Variants in MIPOL1 observed in about 807,000 individuals in gnomAD.
MIPOL1 encodes mirror-image polydactyly 1.
MIPOL1 carries 57 observed loss-of-function variants against 60.9 expected under a neutral mutation model. The observed-to-expected ratio is 0.94, with a 90% CI of 0.76 to 1.17. The LOEUF (loss-of-function observed/expected upper bound fraction) is 1.17, where lower values mean the gene tolerates loss of function less well. Ranked by LOEUF, MIPOL1 falls within the 50% of genes most tolerant of loss-of-function variation. MIPOL1 has a pLI of 0.00. For missense variants in MIPOL1, 551 were observed against 511.6 expected (o/e 1.08, Z -0.74); for synonymous variants, 179 against 168.8 (o/e 1.06, Z -0.47).
intron 1 of MIPOL1, among the ~76,000 whole-genome samples, chr14:37,225,190 G>A (rs1969499903): frequency 6.6e-6 from 1 of 152,168 alleles, no homozygotes; most frequent in African/African-American, 2.4e-5. Flanking sequence ...CCAGGCACAT[G>A]GTGCAAGCTG....
At chr14:37,248,975 AGGATGGATGGATGGATGGATGGAT>A (rs3061903) in intron 3 of MIPOL1, among the ~76,000 whole-genome samples, 92 of 149,528 alleles carry the variant, frequency 6.2e-4, no homozygotes, top group African/African-American at 2.2e-3. Context: ...AACAAATGGA[AGGATGGATGGATGGATGGATGGAT>A]GGATGGATGG....
At chr14:37,215,507 A>C (rs1319083306) in intron 1 of MIPOL1, among the ~76,000 whole-genome samples, 1 of 152,174 alleles carries the variant, frequency 6.6e-6, no homozygotes, top group Non-Finnish European at 1.5e-5. Flanking sequence ...AATAAAAAGC[A>C]AGAAACTGGA....
intron 12 of MIPOL1, among the ~76,000 whole-genome samples, chr14:37,532,174 T>C (rs2095483735): frequency 6.6e-6 from 1 of 152,200 alleles, no homozygotes. Context: ...AGTACAAATA[T>C]ACTGTAAGTC....
At chr14:37,207,608 C>T (rs1463526946) in intron 1 of MIPOL1, among the ~76,000 whole-genome samples, 3 of 152,062 alleles carry the variant, frequency 2.0e-5, no homozygotes, top group Admixed American at 6.5e-5. Flanking sequence ...TGCAGTGGCA[C>T]GATCTTGGCT....
intron 1 of MIPOL1, among the ~76,000 whole-genome samples, chr14:37,243,631 A>C (rs1016071636): frequency 2.6e-5 from 4 of 152,200 alleles, no homozygotes; most frequent in African/African-American, 9.6e-5. Context: ...AAATATGAAA[A>C]ATATGGCATA....
At chr14:37,405,839 C>T (rs970454333) in intron 10 of MIPOL1, among the ~76,000 whole-genome samples, 1 of 150,362 alleles carries the variant, frequency 6.7e-6, no homozygotes, top group Admixed American at 6.6e-5. Flanking sequence ...GCTAATTTTT[C>T]TCCAATTTAA....
chr14:37,444,977 T>A (rs2094309628), intron 11 of MIPOL1, among the ~76,000 whole-genome samples: 1 of 152,168 alleles, frequency 6.6e-6, no homozygotes, highest in African/African-American at 2.4e-5. Context: ...TCATACTGAA[T>A]GGGCAAAAAC....
At chr14:37,258,900 G>GAA (rs369533340) in intron 3 of MIPOL1, among the ~76,000 whole-genome samples, 2 of 145,766 alleles carry the variant, frequency 1.4e-5, no homozygotes, top group Non-Finnish European at 3.0e-5. Flanking sequence ...TGTTTTATCT[G>GAA]AAAAAAAAAA....
intron 11 of MIPOL1, among the ~76,000 whole-genome samples, chr14:37,432,324 C>T (rs2094086267): frequency 6.6e-6 from 1 of 152,182 alleles, no homozygotes. Flanking sequence ...CCTACTAGTG[C>T]TTCTGTTCTT....
chr14:37,487,111 G>T (rs1277954423), intron 11 of MIPOL1, among the ~76,000 whole-genome samples: 2 of 151,932 alleles, frequency 1.3e-5, no homozygotes, highest in African/African-American at 4.8e-5. Context: ...TTTTGTCATT[G>T]GTTCTGTTTA....
At chr14:37,207,710 T>C (rs552428592) in intron 1 of MIPOL1, among the ~76,000 whole-genome samples, 1 of 151,114 alleles carries the variant, frequency 6.6e-6, no homozygotes, top group South Asian at 2.1e-4. Context: ...CATGCCTGGC[T>C]AATTTTTGTA....
intron 10 of MIPOL1, among the ~76,000 whole-genome samples, chr14:37,395,884 T>C (rs2093362508): frequency 6.6e-6 from 1 of 152,108 alleles, no homozygotes; most frequent in Non-Finnish European, 1.5e-5. Flanking sequence ...TTTCCACCCC[T>C]TTCCTTTATG....
Position 37,422,868 on chromosome 14 carries a change from C to A in MIPOL1, c.950C>A (p.Ser317Tyr). 1.2e-6 allele frequency: 2 copies of A among 1,604,120 alleles called. No individual in the cohort carries two copies. Among genetic ancestry groups the A allele is most frequent in the Non-Finnish European group, 1.7e-6 (2 of 1,174,094 alleles). The change falls in exon 11 of 13, where the codon TCT becomes TAT. Residue 317 changes from serine to tyrosine, a missense_variant. Ser to Tyr is a moderately radical substitution (Grantham distance 144). Coordinates refer to ENST00000684589, the MANE Select transcript of MIPOL1 (RefSeq NM_001388067.1). ...AATTACTTTTAGGCAAAGTTGTTATCTATGCAACAAGCCAGAGAAACTGCA... is the reference window on the plus strand; with the variant it reads ...AATTACTTTTAGGCAAAGTTGTTATATATGCAACAAGCCAGAGAAACTGCA... ...QERALKAKLL[S>Y]MQQARETAVQ...
At chr14:37,540,543 T>C (rs2095525690) in intron 12 of MIPOL1, among the ~76,000 whole-genome samples, 1 of 152,226 alleles carries the variant, frequency 6.6e-6, no homozygotes, top group African/African-American at 2.4e-5. Flanking sequence ...AGCTTCTGCA[T>C]GGAGGAATGG....
At chr14:37,238,171 A>G in intron 1 of MIPOL1, among the ~76,000 whole-genome samples, 1 of 152,182 alleles carries the variant, frequency 6.6e-6, no homozygotes, top group East Asian at 1.9e-4. Flanking sequence ...AAGAAAGTAA[A>G]TGCTGTATAT....
chr14:37,328,015 GTTTTC>G (rs1483758412), intron 9 of MIPOL1, among the ~76,000 whole-genome samples: 3 of 147,490 alleles, frequency 2.0e-5, no homozygotes, highest in African/African-American at 7.3e-5. Context: ...AAAATTTTCT[GTTTTC>G]TTTTTTTTTG....
chr14:37,426,008 A>G (rs535585937), intron 11 of MIPOL1, among the ~76,000 whole-genome samples: 129 of 152,308 alleles, frequency 8.5e-4, no homozygotes, highest in African/African-American at 3.0e-3. Context: ...AAAGGTGGTA[A>G]TGATAATTGA....
At chr14:37,400,086 G>T in intron 10 of MIPOL1, 1 of 152,224 alleles carries the variant, frequency 6.6e-6, no homozygotes, top group Non-Finnish European at 1.5e-5. Flanking sequence ...GATAATATGA[G>T]AGTCAGAGGA....
At chr14:37,510,010 A>G (rs911491530) in intron 12 of MIPOL1, among the ~76,000 whole-genome samples, 7 of 151,712 alleles carry the variant, frequency 4.6e-5, no homozygotes, top group Non-Finnish European at 1.0e-4. Flanking sequence ...CATAGTTTAT[A>G]TATGTATATA....
Sources: gnomAD v4.1 joint callset for allele counts (sites outside exome capture counted in the v4.1 genomes callset) on GRCh38, gnomAD v4.1.1 for gene constraint, MANE v1.5 for transcripts, NCBI Gene and HGNC (gene_info 2026-07-23, HGNC 2026-07-21) for gene names.